The following NCOR2 variants were observed in gnomAD, a reference collection of about 807,000 sequenced individuals.
NCOR2 encodes the protein nuclear receptor corepressor 2.
Under a neutral mutation model 262.9 loss-of-function variants are expected in NCOR2, and 81 were observed. The observed-to-expected ratio is 0.31, with a 90% CI of 0.26 to 0.37. The LOEUF is 0.37. Among genes scored for constraint, NCOR2 ranks in the 10% least tolerant of loss-of-function variants. NCOR2 has a pLI of 1.00. For synonymous variants in NCOR2, 1,659 were observed against 1,559.3 expected, an observed-to-expected ratio of 1.06 and a Z score of -1.51; for missense variants, 3,385 against 3,621.4, an observed-to-expected ratio of 0.93 and a Z score of 1.68.
intron 1 of NCOR2, among the ~76,000 whole-genome samples, chr12:124,522,823 A>G (rs1451894707): frequency 4.6e-5 from 7 of 152,204 alleles, no homozygotes; most frequent in Non-Finnish European, 7.4e-5. Context: ...GGGCCCCCCT[A>G]TAGCCGACAG....
In NCOR2 at chr12:124,356,720, A is replaced by G. The variant is rs745530821; in HGVS notation, c.3163T>C (p.Phe1055Leu). ...ATCACCTCACGGGGGGGCACGGGGAAGGGCAGGCCGGAAGTCCAGCAAGGG... is the reference window on the plus strand; with the variant it reads ...ATCACCTCACGGGGGGGCACGGGGAGGGGCAGGCCGGAAGTCCAGCAAGGG... The change falls in exon 23 of 47, where the codon TTC becomes CTC. Residue 1055 changes from phenylalanine to leucine, a missense_variant. Phe to Leu is a conservative substitution (Grantham distance 22). This residue lies in a region of NCOR2 where 1,615 missense variants were observed against 1,626.9 expected (regional missense o/e 0.99). Coordinates refer to ENST00000405201, the Ensembl canonical transcript of NCOR2. 1 of 1,499,648 alleles carries G rather than the reference A, an allele frequency of 6.7e-7. No individual in the cohort carries two copies. The highest frequency in any genetic ancestry group is 2.8e-5 in the Admixed American group (1 of 35,184). 92.9% of individuals were successfully genotyped at this position (1,499,648 alleles called of 1,614,324 possible). A position where few individuals can be genotyped will look rare whatever the true frequency, so the allele number is the denominator to read the frequency against.
chr12:124,387,154 T>C (rs1441790048), intron 16 of NCOR2, among the ~76,000 whole-genome samples: 1 of 152,268 alleles, frequency 6.6e-6, no homozygotes, highest in Non-Finnish European at 1.5e-5. Flanking sequence ...CTAAAATTGT[T>C]CAGAGGTTGG....
chr12:124,405,115 T>G (rs747241028), intron 13 of NCOR2, among the ~76,000 whole-genome samples: 11 of 151,592 alleles, frequency 7.3e-5, no homozygotes, highest in Admixed American at 2.0e-4. Flanking sequence ...CCTACCTGCC[T>G]CCCACTCCAG....
chr12:124,340,116 G>C (rs2036326679), exon 37 of NCOR2: 1 of 1,612,602 alleles, frequency 6.2e-7, no homozygotes, highest in Admixed American at 1.7e-5. Flanking sequence ...GAGGGGAGAT[G>C]GGCGAGTGCT....
intron 45 of NCOR2, 83 bp from the exon 48 acceptor site, chr12:124,326,453 G>T: frequency 7.7e-7 from 1 of 1,304,892 alleles, no homozygotes; most frequent in South Asian, 1.8e-5. Flanking sequence ...GGGGCAGGGT[G>T]AGGTCCTGCC....
At chr12:124,554,798 G>A (rs983482861) in intron 1 of NCOR2, among the ~76,000 whole-genome samples, 3 of 152,256 alleles carry the variant, frequency 2.0e-5, no homozygotes, top group Non-Finnish European at 4.4e-5. Context: ...CCTGCCCGCC[G>A]CTACAGCTGC....
chr12:124,340,235 A>G (rs1593124653), intron 36 of NCOR2, 31 bp from the exon 39 acceptor site: 2 of 1,605,226 alleles, frequency 1.2e-6, no homozygotes, highest in Non-Finnish European at 8.5e-7. Context: ...CAGCAGGGGG[A>G]GGCCTCTTGC....
chr12:124,335,303 C>T, intron 39 of NCOR2, 23 bp from the exon 42 acceptor site: 6 of 1,559,166 alleles, frequency 3.8e-6, no homozygotes, highest in Non-Finnish European at 5.2e-6. Context: ...CAGAGCTGGT[C>T]AGGGGGTGTC....
chr12:124,369,590 A>AGGGGTGGC (rs1228814880), intron 20 of NCOR2, among the ~76,000 whole-genome samples: 2 of 147,494 alleles, frequency 1.4e-5, no homozygotes, highest in African/African-American at 2.5e-5. Context: ...CGGCAGAGGG[A>AGGGGTGGC]GGGGTGGCGG....
At position 124,503,453 on chromosome 12, in the gene NCOR2, G is replaced by A. The variant is rs976306574; in HGVS notation, c.-117-8085C>T. On this transcript the variant is annotated intron_variant, in intron 1 of 46. Coordinates refer to the NCOR2 transcript ENST00000404621. The surrounding 1 kb of genome is among the most constrained non-coding windows in gnomAD (Gnocchi z 4.3). ...CATGCATGGATAGAGAAAGGAGGAAGGATGCATGGACTGATGGATGGATGG... is the reference window on the plus strand; with the variant it reads ...CATGCATGGATAGAGAAAGGAGGAAAGATGCATGGACTGATGGATGGATGG... Among the ~76,000 whole-genome samples the A allele has an allele frequency of 6.6e-6, 1 of 151,144 alleles. No homozygotes were observed. The highest frequency in any genetic ancestry group is 1.5e-5 in the Non-Finnish European group (1 of 67,856).
chr12:124,353,631 A>G (rs1321254869), intron 27 of NCOR2, among the ~76,000 whole-genome samples: 2 of 152,224 alleles, frequency 1.3e-5, no homozygotes, highest in African/African-American at 4.8e-5. Flanking sequence ...TCCTGGCACG[A>G]TTCAGGAACC....
intron 20 of NCOR2, among the ~76,000 whole-genome samples, chr12:124,369,852 G>A (rs764432488): frequency 1.4e-4 from 21 of 152,246 alleles, no homozygotes; most frequent in Non-Finnish European, 2.6e-4. Context: ...GGGAGAGGAC[G>A]GGAGGCTGCA....
At chr12:124,429,537 C>T (rs2043795452) in intron 10 of NCOR2, 76 bp downstream of exon 12, 3 of 1,475,562 alleles carry the variant, frequency 2.0e-6, no homozygotes. Flanking sequence ...GAGGTGGTTT[C>T]TGGCTAGGGC....
In NCOR2 at chr12:124,355,692, A is replaced by T. The variant is rs372978273; in HGVS notation, c.3242-121T>A. On this transcript the variant is annotated intron_variant, in intron 23 of 46. Coordinates refer to ENST00000405201, the Ensembl canonical transcript of NCOR2. The stretch of plus-strand genomic sequence containing the variant: ...GGCCAGGAAGTGCCCATCCATGCGC[A>T]CTCCTCTATTGCCCTGCCTGGCTCT... 64 of 1,353,388 alleles carry T rather than the reference A, an allele frequency of 4.7e-5. No homozygotes were observed. The African/African-American group carries it at 8.9e-4, about 19-fold the overall frequency. 83.8% of individuals were successfully genotyped at this position (1,353,388 alleles called of 1,614,324 possible). A position where few individuals can be genotyped will look rare whatever the true frequency, so the allele number is the denominator to read the frequency against.
chr12:124,362,059 C>T, intron 22 of NCOR2, 67 bp downstream of exon 24: 1 of 1,228,630 alleles, frequency 8.1e-7, no homozygotes, highest in Non-Finnish European at 1.0e-6. Flanking sequence ...GCTCTAGACA[C>T]ACAAACATCC....
chr12:124,366,417 G>C (rs1033132500), intron 20 of NCOR2, among the ~76,000 whole-genome samples: 3 of 152,202 alleles, frequency 2.0e-5, no homozygotes, highest in Non-Finnish European at 2.9e-5. Context: ...GAGATGAGTG[G>C]GTGCCAGGGC....
chr12:124,402,672 G>A (rs765761167), intron 13 of NCOR2, 111 bp from the exon 16 acceptor site: 168 of 1,518,498 alleles, frequency 1.1e-4, no homozygotes, highest in South Asian at 2.3e-4. Flanking sequence ...AGGAAAACCC[G>A]TGGAGTCCAC....
chr12:124,470,026 T>G (rs372283913), intron 4 of NCOR2, among the ~76,000 whole-genome samples: 1 of 151,740 alleles, frequency 6.6e-6, no homozygotes, highest in Non-Finnish European at 1.5e-5. Flanking sequence ...ATTAGCTCGG[T>G]GTGGTGATGC....
intron 5 of NCOR2, among the ~76,000 whole-genome samples, chr12:124,463,374 C>T (rs973775674): frequency 6.6e-6 from 1 of 152,210 alleles, no homozygotes; most frequent in Non-Finnish European, 1.5e-5. Context: ...TTCCAGGTCA[C>T]GCTTCTGCCC....
Sources: allele counts gnomAD v4.1 joint callset (sites outside exome capture counted in the v4.1 genomes callset), GRCh38; gene constraint gnomAD v4.1.1; regional missense constraint gnomAD v4.1.1; non-coding constraint Gnocchi (gnomAD v3.1); transcripts MANE v1.5; gene names NCBI Gene and HGNC (gene_info 2026-07-23, HGNC 2026-07-21).